Variants in PCDHB2 observed in about 807,000 individuals in gnomAD.
PCDHB2 encodes the protein protocadherin beta-2.
For missense variants in PCDHB2, 914 were observed against 1,023.1 expected, an observed-to-expected ratio of 0.89 and a Z score of 1.45; for synonymous variants, 395 against 464.9, an observed-to-expected ratio of 0.85 and a Z score of 1.93.
rs539198646 is a variant in PCDHB2, at chr5:141,097,346, C to A, written c.*159C>A. 5.1e-6 allele frequency: 4 copies of A among 788,048 alleles called. No individual in the cohort carries two copies. Among genetic ancestry groups the A allele is most frequent in the East Asian group, 5.7e-5 (2 of 35,238 alleles). 48.8% of individuals were successfully genotyped at this position (788,048 alleles called of 1,614,324 possible). On this transcript the variant is annotated 3_prime_UTR_variant, in exon 1 of 1. Transcript: ENST00000194155. The stretch of plus-strand genomic sequence containing the variant: ...ATTTATAAATGTATGAGTTTTTTTG[C>A]GGTATAATAAATGTAAATTTTCTTT...
rs2149613408 is a variant in PCDHB2, at chr5:141,097,263, G to A, written c.*76G>A. ...CTTTTTTACTGCTTTGCCCATTGGA[G>A]GTGTCTCCTTTTATTAGAAAGTAAC... On this transcript the variant is annotated 3_prime_UTR_variant, in exon 1 of 1. Transcript: ENST00000194155. The A allele has an allele frequency of 1.4e-6, 2 of 1,451,524 alleles. No individual in the cohort carries two copies. Among genetic ancestry groups the A allele is most frequent in the Non-Finnish European group, 1.9e-6 (2 of 1,077,100 alleles). 89.9% of individuals were successfully genotyped at this position (1,451,524 alleles called of 1,614,324 possible). A position where few individuals can be genotyped will look rare whatever the true frequency, so the allele number is the denominator to read the frequency against.
At position 141,095,068 on chromosome 5, in the gene PCDHB2, A is replaced by G. The variant is rs11750176; in HGVS notation, c.278A>G (p.Asp93Gly). The part of the protein sequence containing the change: ...TGDLLLNEKL[D>G]REELCGPTEP... Reference sequence around the variant, plus strand: ...GATTTGTTGTTAAATGAGAAATTGGACCGGGAGGAGCTGTGCGGCCCCACA... The same window carrying G: ...GATTTGTTGTTAAATGAGAAATTGGGCCGGGAGGAGCTGTGCGGCCCCACA... The change falls in exon 1 of 1, where the codon GAC becomes GGC. Residue 93 changes from aspartate to glycine, a missense_variant. Transcript: ENST00000194155. The G allele has an allele frequency of 6.8e-6, 11 of 1,613,998 alleles. No individual in the cohort carries two copies. The highest frequency in any genetic ancestry group is 6.7e-5 in the Admixed American group (4 of 59,990).
In PCDHB2 at chr5:141,095,145, T is replaced by C. The variant is rs1751775540; in HGVS notation, c.355T>C (p.Phe119Leu). The C allele has an allele frequency of 6.2e-7, 1 of 1,613,462 alleles. No individual in the cohort carries two copies. Among genetic ancestry groups the C allele is most frequent in the South Asian group, 1.1e-5 (1 of 91,012 alleles). ...GTTACTAGAAAATCCCTTGCAGTTT[T>C]TTCAGGCGGAGCTACGGATTAGGGA... Reference protein sequence around the residue: ...QVLLENPLQFFQAELRIRDVN... With the variant: ...QVLLENPLQFLQAELRIRDVN... The change falls in exon 1 of 1, where the codon TTT becomes CTT. Residue 119 changes from phenylalanine (F) to leucine (L), a missense_variant. Physicochemically the swap from Phe to Leu is conservative, Grantham distance 22 (BLOSUM62 0). Transcript: ENST00000194155.
chr5:141,095,280 G>T lies in PCDHB2; in HGVS notation c.490G>T (p.Val164Leu). ...AATAGAACGTGCCCAGGACTTGGAT[G>T]TAGGAACCAACAGTCTCCAAAATTA... ...FLIERAQDLD[V>L]GTNSLQNYTI... Residue 164 changes from valine (V) to leucine (L), a missense_variant, in exon 1 of 1, where the codon GTA becomes TTA. Transcript: ENST00000194155. 2 of 1,614,090 alleles carry T rather than the reference G, an allele frequency of 1.2e-6. No individual in the cohort carries two copies. The highest frequency in any genetic ancestry group is 1.7e-6 in the Non-Finnish European group (2 of 1,179,992).
chr5:141,096,977 G>C lies in PCDHB2; in HGVS notation c.2187G>C (p.Val729=). The change falls in exon 1 of 1, where the codon GTG becomes GTC. Residue 729 remains valine, a synonymous_variant. Transcript: ENST00000194155. The part of the protein sequence containing the change: ...SRAASVGRCS[V]PEGPFPGQMV... ...CGGCCTCGGTGGGTCGCTGCTCGGTGCCCGAGGGCCCCTTTCCAGGGCAGA... is the reference window on the plus strand; with the variant it reads ...CGGCCTCGGTGGGTCGCTGCTCGGTCCCCGAGGGCCCCTTTCCAGGGCAGA... 1.9e-6 allele frequency: 3 copies of C among 1,612,672 alleles called. No homozygotes were observed. The highest frequency in any genetic ancestry group is 2.5e-6 in the Non-Finnish European group (3 of 1,179,862).
In PCDHB2 at chr5:141,096,110, C is replaced by T. The variant is rs31852; in HGVS notation, c.1320C>T (p.Thr440=). The change falls in exon 1 of 1, where the codon ACC becomes ACT. Residue 440 remains threonine, a synonymous_variant. Transcript: ENST00000194155. ...GGCTGAAAACCGAGCACAACATAACCGTGCTGGTCTCCGACGTCAATGACA... is the reference window on the plus strand; with the variant it reads ...GGCTGAAAACCGAGCACAACATAACTGTGCTGGTCTCCGACGTCAATGACA... The part of the protein sequence containing the change: ...TPRLKTEHNI[T]VLVSDVNDNA... 1.2e-6 allele frequency: 2 copies of T among 1,613,964 alleles called. No homozygotes were observed. The highest frequency in any genetic ancestry group is 1.3e-5 in the African/African-American group (1 of 74,982).
chr5:141,097,261 G>C lies in PCDHB2; in HGVS notation c.*74G>C. 1.4e-5 allele frequency: 21 copies of C among 1,458,130 alleles called. No individual in the cohort carries two copies. Among genetic ancestry groups the C allele is most frequent in the Non-Finnish European group, 1.9e-5 (21 of 1,082,248 alleles). The allele number at this position is 1,458,130 out of a possible 1,614,324, so 90.3% of individuals were successfully genotyped here. A position where few individuals can be genotyped will look rare whatever the true frequency, so the allele number is the denominator to read the frequency against. On this transcript the variant is annotated 3_prime_UTR_variant, in exon 1 of 1. Transcript: ENST00000194155. ...TCCTTTTTTACTGCTTTGCCCATTG[G>C]AGGTGTCTCCTTTTATTAGAAAGTA... is the stretch of plus-strand genomic sequence containing the variant.
chr5:141,095,552 G>T lies in PCDHB2; in HGVS notation c.762G>T (p.Pro254=), dbSNP rs946565615. 7.4e-6 allele frequency: 12 copies of T among 1,614,072 alleles called. No homozygotes were observed. The Admixed American group carries it at 8.3e-5, about 11-fold the overall frequency. ...AGCTGCTCTATGAGGTGCAGATCCC[G>T]GAGGACAGCCCCGTTGGATCCCAGG... The part of the protein sequence containing the change: ...FAKLLYEVQI[P]EDSPVGSQVA... Residue 254 remains proline, a synonymous_variant, in exon 1 of 1, where the codon CCG becomes CCT. Coordinates refer to ENST00000194155, the MANE Select transcript of PCDHB2 (RefSeq NM_018936.4).
rs1751789613 is a variant in PCDHB2, at chr5:141,095,479, T to G, written c.689T>G (p.Val230Gly). The G allele has an allele frequency of 1.2e-6, 2 of 1,613,996 alleles. No homozygotes were observed. The highest frequency in any genetic ancestry group is 1.6e-4 in the Middle Eastern group (1 of 6,062). ...CCACCCAGGTCCGGCACGGCCCTGG[T>G]ACGGATTGAAGTTGTGGACATCAAT... ...GSPPRSGTAL[V>G]RIEVVDINDN... is the part of the protein sequence containing the mutation. Residue 230 changes from valine (V) to glycine (G), a missense_variant, in exon 1 of 1, where the codon GTA becomes GGA. By Grantham distance (109) the Val-to-Gly change is moderately radical (BLOSUM62 -3). Coordinates refer to ENST00000194155, the MANE Select transcript of PCDHB2 (RefSeq NM_018936.4).
At position 141,096,881 on chromosome 5, in the gene PCDHB2, C is replaced by T. The variant is rs782176960; in HGVS notation, c.2091C>T (p.Ala697=). The change falls in exon 1 of 1, where the codon GCC becomes GCT. Residue 697 remains alanine, a synonymous_variant. Coordinates refer to ENST00000194155, the MANE Select transcript of PCDHB2 (RefSeq NM_018936.4). The part of the protein sequence containing the change: ...LLTVYLVVAL[A]SVSSLFLFSV... ...CCGTCTACCTGGTGGTGGCGTTGGC[C>T]TCGGTGTCTTCGCTCTTCCTCTTCT... is the stretch of plus-strand genomic sequence containing the variant. 1 of 1,611,700 alleles carries T rather than the reference C, an allele frequency of 6.2e-7. No homozygotes were observed. The highest frequency in any genetic ancestry group is 1.3e-5 in the African/African-American group (1 of 74,860).
In PCDHB2 at chr5:141,095,812, A is replaced by G. The variant is rs533088533; in HGVS notation, c.1022A>G (p.Asp341Gly). Residue 341 changes from aspartate to glycine, a missense_variant, in exon 1 of 1, where the codon GAT (aspartate) becomes GGT (glycine). Physicochemically the swap from Asp to Gly is moderately conservative, Grantham distance 94. Coordinates refer to ENST00000194155, the MANE Select transcript of PCDHB2 (RefSeq NM_018936.4). ...TGTGTGGTATTTGTCCAAGTGATGG[A>G]TTTGAATGACAATCCTCCGGAACTA... ...GTCVVFVQVM[D>G]LNDNPPELTM... The G allele has an allele frequency of 6.2e-7, 1 of 1,614,144 alleles. No homozygotes were observed. Among genetic ancestry groups the G allele is most frequent in the African/African-American group, 1.3e-5 (1 of 75,024 alleles).
Position 141,094,700 on chromosome 5 carries a change from A to G in PCDHB2, c.-91A>G. ...GGAAATCCGGGCCCTAGGATTGTCC[A>G]CTCATCCCAGTATCAGCGAGATACG... On this transcript the variant is annotated 5_prime_UTR_variant, in exon 1 of 1. Transcript: ENST00000194155. 1 of 1,086,064 alleles carries G rather than the reference A, an allele frequency of 9.2e-7. No homozygotes were observed. Among genetic ancestry groups the G allele is most frequent in the Non-Finnish European group, 1.3e-6 (1 of 751,098 alleles). 67.3% of individuals were successfully genotyped at this position (1,086,064 alleles called of 1,614,324 possible).
rs571517800 is a variant in PCDHB2, at chr5:141,096,761, C to G, written c.1971C>G (p.Thr657=). ...ATGGCGAGCCTCCGCGCTCGGCCAC[C>G]GCCACGCTGCACGTGCTCCTGGTGG... The part of the protein sequence containing the change: ...KDNGEPPRSA[T]ATLHVLLVDG... Residue 657 remains threonine, a synonymous_variant, in exon 1 of 1, where the codon ACC becomes ACG. Coordinates refer to ENST00000194155, the MANE Select transcript of PCDHB2 (RefSeq NM_018936.4). The G allele has an allele frequency of 2.0e-5, 32 of 1,609,746 alleles. No homozygotes were observed. In the African/African-American group the frequency reaches 2.0e-4, roughly 10 times the overall value.
rs562634357 is a variant in PCDHB2, at chr5:141,097,140, G to A, written c.2350G>A (p.Val784Ile). Residue 784 changes from valine to isoleucine, a missense_variant, in exon 1 of 1, where the codon GTT becomes ATT. Coordinates refer to ENST00000194155, the MANE Select transcript of PCDHB2 (RefSeq NM_018936.4). ...PNFVAQGAER[V>I]SEANPSFRKS... ...CTTCGTTGCTCAGGGTGCAGAGAGG[G>A]TTAGCGAGGCAAATCCCAGTTTCAG... 5 of 1,604,916 alleles carry A rather than the reference G, an allele frequency of 3.1e-6. No homozygotes were observed. In the South Asian group the frequency reaches 5.6e-5, roughly 18 times the overall value.
Position 141,096,410 on chromosome 5 carries a change from C to T in PCDHB2, c.1620C>T (p.Ser540=), listed in dbSNP as rs1554271504. The change falls in exon 1 of 1, where the codon TCC becomes TCT. Residue 540 remains serine (S), a synonymous_variant. Transcript: ENST00000194155. ...GCGTGGGCGCCGCAGACCGCGGCTC[C>T]CCGGCGTTGAGCAGCGAGGCGCTGG... is the stretch of plus-strand genomic sequence containing the variant. ...EFRVGAADRG[S]PALSSEALVR... 1.2e-6 allele frequency: 2 copies of T among 1,612,112 alleles called. No homozygotes were observed. The highest frequency in any genetic ancestry group is 1.7e-5 in the Admixed American group (1 of 59,992).
Position 141,096,636 on chromosome 5 carries a change from C to G in PCDHB2, c.1846C>G (p.Leu616Val), listed in dbSNP as rs782622946. ...YQLLKATEPG[L>V]FGVWAHNGEV... is the part of the protein sequence containing the mutation. Reference sequence around the variant, plus strand: ...GCTGCTCAAGGCCACGGAGCCCGGGCTGTTCGGCGTGTGGGCGCACAATGG... The same window carrying G: ...GCTGCTCAAGGCCACGGAGCCCGGGGTGTTCGGCGTGTGGGCGCACAATGG... Residue 616 changes from leucine (L) to valine (V), a missense_variant, in exon 1 of 1, where the codon CTG becomes GTG. By Grantham distance (32) the Leu-to-Val change is conservative. Transcript: ENST00000194155. The G allele has an allele frequency of 6.2e-6, 10 of 1,608,466 alleles. No homozygotes were observed. In the South Asian group the frequency reaches 1.1e-4, roughly 18 times the overall value.
Position 141,094,732 on chromosome 5 carries a change from T to C in PCDHB2, c.-59T>C, listed in dbSNP as rs200115551. 6.1e-4 allele frequency: 812 copies of C among 1,341,544 alleles called. 2 individuals are homozygous for C. Among genetic ancestry groups the C allele is most frequent in the Non-Finnish European group, 7.7e-4 (755 of 976,138 alleles). The allele number at this position is 1,341,544 out of a possible 1,614,324, so 83.1% of individuals were successfully genotyped here. On this transcript the variant is annotated 5_prime_UTR_variant, in exon 1 of 1. Coordinates refer to ENST00000194155, the MANE Select transcript of PCDHB2 (RefSeq NM_018936.4). ...CCAGTATCAGCGAGATACGGGGAGA[T>C]AGAGTTAGCGACAACGTGAGCCAGA...
chr5:141,095,316 C>T lies in PCDHB2; in HGVS notation c.526C>T (p.Pro176Ser). The T allele has an allele frequency of 6.2e-7, 1 of 1,613,916 alleles. No individual in the cohort carries two copies. Among genetic ancestry groups the T allele is most frequent in the Non-Finnish European group, 8.5e-7 (1 of 1,179,896 alleles). ...CAGTCTCCAAAATTACACAATCAGTCCCAATTTCCACTTTCATCTTAATTT... is the reference window on the plus strand; with the variant it reads ...CAGTCTCCAAAATTACACAATCAGTTCCAATTTCCACTTTCATCTTAATTT... ...TNSLQNYTIS[P>S]NFHFHLNLQD... The change falls in exon 1 of 1, where the codon CCC (proline) becomes TCC (serine). Residue 176 changes from proline to serine, a missense_variant. Coordinates refer to ENST00000194155, the MANE Select transcript of PCDHB2 (RefSeq NM_018936.4).
Position 141,095,398 on chromosome 5 carries a change from A to C in PCDHB2, c.608A>C (p.Asp203Ala), listed in dbSNP as rs781829411. 6.2e-7 allele frequency: 1 copy of C among 1,614,166 alleles called. No individual in the cohort carries two copies. The highest frequency in any genetic ancestry group is 8.5e-7 in the Non-Finnish European group (1 of 1,180,014). The change falls in exon 1 of 1, where the codon GAT becomes GCT. Residue 203 changes from aspartate to alanine, a missense_variant. Asp to Ala is a moderately radical substitution (Grantham distance 126). Transcript: ENST00000194155. ...CAGCTGGTGCTGAACAGAGCCCTGG[A>C]TCGCGAGGAGCAGCCTGAGATCAGG... is the stretch of plus-strand genomic sequence containing the variant. ...LPQLVLNRALDREEQPEIRLT... is the reference protein window; with the variant it reads ...LPQLVLNRALAREEQPEIRLT...
Sources: allele counts gnomAD v4.1 joint callset, GRCh38; gene constraint gnomAD v4.1.1; transcripts MANE v1.5; gene names NCBI Gene and HGNC (gene_info 2026-07-23, HGNC 2026-07-21).